DOCK1: variants seen among roughly 807,000 people sequenced by gnomAD.
DOCK1 encodes the protein dedicator of cytokinesis protein 1.
A neutral mutation model predicts 262.7 loss-of-function variants in DOCK1; 138 were observed. The ratio of observed to expected loss-of-function variants is 0.53; its 90% CI spans 0.46 to 0.61. The LOEUF is 0.61. Ranked by LOEUF, DOCK1 falls within the 20% of genes least tolerant of loss-of-function variation. DOCK1 has a pLI of 0.00. For synonymous variants in DOCK1, 866 were observed against 867.4 expected, an observed-to-expected ratio of 1.00 and a Z score of 0.03; for missense variants, 1,908 against 2,370.7, an observed-to-expected ratio of 0.80 and a Z score of 4.05.
chr10:127,424,544 A>G (rs1469005804), intron 46 of DOCK1, among the ~76,000 whole-genome samples: 2 of 152,140 alleles, frequency 1.3e-5, no homozygotes, highest in African/African-American at 2.4e-5. Flanking sequence ...TTGCATCCAG[A>G]GAGAGACCCA....
At chr10:127,340,113 A>T (rs1309711463) in intron 30 of DOCK1, among the ~76,000 whole-genome samples, 1 of 152,176 alleles carries the variant, frequency 6.6e-6, no homozygotes, top group Non-Finnish European at 1.5e-5. Context: ...GCATTACAGG[A>T]TATAATTAGA....
At chr10:126,947,198 A>G (rs1218257971) in intron 1 of DOCK1, among the ~76,000 whole-genome samples, 3 of 151,350 alleles carry the variant, frequency 2.0e-5, no homozygotes, top group African/African-American at 4.9e-5. Flanking sequence ...AGGGCAGAAT[A>G]AAGTTTACCT....
At chr10:127,329,072 T>G (rs1361024061) in intron 29 of DOCK1, among the ~76,000 whole-genome samples, 1 of 152,142 alleles carries the variant, frequency 6.6e-6, no homozygotes, top group Non-Finnish European at 1.5e-5. Flanking sequence ...CAGTTATCAC[T>G]ACTGTTGATT....
intron 23 of DOCK1, among the ~76,000 whole-genome samples, chr10:127,090,454 A>T (rs1258498326): frequency 1.4e-5 from 2 of 144,346 alleles, no homozygotes; most frequent in East Asian, 2.0e-4. Context: ...TTTCCAGTGG[A>T]GAATGGGACT....
intron 40 of DOCK1, among the ~76,000 whole-genome samples, chr10:127,405,602 G>A (rs2067474286): frequency 6.6e-6 from 1 of 152,160 alleles, no homozygotes; most frequent in South Asian, 2.1e-4. Context: ...TTGTTCATTT[G>A]GGGTCCTGTG....
At chr10:127,129,461 T>G (rs1328739037) in intron 27 of DOCK1, among the ~76,000 whole-genome samples, 1 of 152,206 alleles carries the variant, frequency 6.6e-6, no homozygotes, top group African/African-American at 2.4e-5. Context: ...CTGCCTTTTC[T>G]TATTCTCCAT....
At chr10:127,344,023 G>A (rs2063531860) in intron 31 of DOCK1, among the ~76,000 whole-genome samples, 1 of 152,166 alleles carries the variant, frequency 6.6e-6, no homozygotes. Context: ...CTTTTGCTAT[G>A]CACTATTCTG....
At chr10:127,060,280 C>T (rs1258789693) in intron 22 of DOCK1, among the ~76,000 whole-genome samples, 1 of 152,080 alleles carries the variant, frequency 6.6e-6, no homozygotes, top group Non-Finnish European at 1.5e-5. Flanking sequence ...ACCAGTCTAC[C>T]AGGTGTTCTT....
intron 27 of DOCK1, among the ~76,000 whole-genome samples, chr10:127,214,273 G>A (rs1046355213): frequency 2.6e-5 from 4 of 152,022 alleles, no homozygotes; most frequent in Admixed American, 6.6e-5. Context: ...AGCTCCCCCC[G>A]CCCAGCTGTG....
intron 27 of DOCK1, among the ~76,000 whole-genome samples, chr10:127,200,489 G>T (rs538653969): frequency 3.1e-4 from 47 of 152,258 alleles, no homozygotes; most frequent in Non-Finnish European, 5.0e-4. Flanking sequence ...CGTGATGTCA[G>T]TTTACTGCAA....
At chr10:127,153,841 T>A in intron 27 of DOCK1, 1 of 1,598,992 alleles carries the variant, frequency 6.3e-7, no homozygotes, top group Non-Finnish European at 8.6e-7. Context: ...AAGAGGAGAA[T>A]GTTAACATAC....
chr10:127,016,335 C>G (rs2041876109), intron 12 of DOCK1, among the ~76,000 whole-genome samples: 1 of 152,178 alleles, frequency 6.6e-6, no homozygotes, highest in Non-Finnish European at 1.5e-5. Flanking sequence ...CTTTTGACTT[C>G]TCAGCTCCAG....
At position 126,963,665 on chromosome 10, in the gene DOCK1, TCCTTCCTC is replaced by T. The variant is rs1162509201; in HGVS notation, c.47-7033_47-7026del. On this transcript the variant is annotated intron_variant, in intron 1 of 51. Coordinates refer to ENST00000623213, the MANE Select transcript of DOCK1 (RefSeq NM_001290223.2). ...CTCCTTCCTTCCTTCCTTCCTTCCT[TCCTTCCTC>T]CCTCCCTTCCTCCCTTCCTTCCTTC... Among the ~76,000 whole-genome samples, 41 of 128,508 alleles carry T rather than the reference TCCTTCCTC, an allele frequency of 3.2e-4. 1 individual carries two copies. The highest frequency in any genetic ancestry group is 2.6e-4 in the Non-Finnish European group (16 of 61,864). The allele number at this position is 128,508 out of a possible 152,430, so 84.3% of individuals were successfully genotyped here. A position where few individuals can be genotyped will look rare whatever the true frequency, so the allele number is the denominator to read the frequency against.
intron 29 of DOCK1, among the ~76,000 whole-genome samples, chr10:127,284,419 G>A (rs2061074764): frequency 6.6e-6 from 1 of 151,716 alleles, no homozygotes; most frequent in South Asian, 2.1e-4. Flanking sequence ...TAAACTTTTT[G>A]TTTGTCTAGA....
intron 14 of DOCK1, among the ~76,000 whole-genome samples, chr10:127,024,452 G>A (rs2042680869): frequency 6.6e-6 from 1 of 152,180 alleles, no homozygotes; most frequent in Admixed American, 6.5e-5. Context: ...GGAGGTCAGT[G>A]TCATCCCCAT....
At chr10:126,992,369 T>C (rs1276142723) in intron 6 of DOCK1, among the ~76,000 whole-genome samples, 2 of 152,200 alleles carry the variant, frequency 1.3e-5, no homozygotes, top group Non-Finnish European at 2.9e-5. Context: ...TTTACTACTT[T>C]GATAGGAAAT....
chr10:127,279,237 C>G (rs895024285), intron 29 of DOCK1, among the ~76,000 whole-genome samples: 1 of 152,238 alleles, frequency 6.6e-6, no homozygotes, highest in Non-Finnish European at 1.5e-5. Context: ...TAATGAAAAT[C>G]AAAATCAAAG....
chr10:127,106,882 T>G (rs1258501784), intron 24 of DOCK1, among the ~76,000 whole-genome samples: 1 of 152,204 alleles, frequency 6.6e-6, no homozygotes, highest in Non-Finnish European at 1.5e-5. Flanking sequence ...TGGCCAGGTG[T>G]GCTGTTTGTT....
intron 42 of DOCK1, among the ~76,000 whole-genome samples, chr10:127,410,030 T>C (rs2067751341): frequency 6.6e-6 from 1 of 152,226 alleles, no homozygotes; most frequent in Non-Finnish European, 1.5e-5. Context: ...GACTTTTCTG[T>C]TCTGTTTGAT....
Sources: allele counts gnomAD v4.1 joint callset (sites outside exome capture counted in the v4.1 genomes callset), GRCh38; gene constraint gnomAD v4.1.1; transcripts MANE v1.5; gene names NCBI Gene and HGNC (gene_info 2026-07-23, HGNC 2026-07-21).